The following UBASH3B variants were observed in gnomAD, a reference collection of about 807,000 sequenced individuals.
UBASH3B encodes ubiquitin-associated and SH3 domain-containing protein B.
A neutral mutation model predicts 83.4 loss-of-function variants in UBASH3B; 37 were observed. The ratio of observed to expected loss-of-function variants is 0.44; its 90% confidence interval spans 0.34 to 0.58. The LOEUF (loss-of-function observed/expected upper bound fraction) is 0.58, where lower values mean the gene tolerates loss of function less well. Ranked by LOEUF, UBASH3B falls within the 20% of genes least tolerant of loss-of-function variation. The pLI, the probability that UBASH3B is intolerant of heterozygous loss-of-function variation, is 0.01. For missense variants in UBASH3B, 657 were observed against 827.2 expected (o/e 0.79, Z 2.52); for synonymous variants, 304 against 318.3 (o/e 0.96, Z 0.48).
chr11:122,776,907 C>CTTCCCCGCG, intron 2 of UBASH3B, 117 bp from the exon 3 acceptor site: 1 of 926,094 alleles, frequency 1.1e-6, no homozygotes, highest in Non-Finnish European at 1.6e-6. Context: ...AATGAAAACC[C>CTTCCCCGCG]TTCCCCGCGC....
chr11:122,794,961 C>T (rs1165140516), intron 7 of UBASH3B, 127 bp downstream of exon 7: 5 of 1,346,994 alleles, frequency 3.7e-6, no homozygotes, highest in Non-Finnish European at 4.1e-6. Flanking sequence ...AGAAAGTACA[C>T]CAAATTATAA....
intron 1 of UBASH3B, among the ~76,000 whole-genome samples, chr11:122,725,785 C>G (rs1860728986): frequency 2.0e-5 from 3 of 152,114 alleles, no homozygotes; most frequent in Admixed American, 6.5e-5. Flanking sequence ...CCTCCGCCTC[C>G]CGGGTTCAAG....
intron 1 of UBASH3B, among the ~76,000 whole-genome samples, chr11:122,707,091 G>A (rs955988379): frequency 1.3e-5 from 2 of 152,114 alleles, no homozygotes; most frequent in African/African-American, 2.4e-5. Context: ...AATTGATCAT[G>A]GGGATTTCAG....
chr11:122,757,952 C>T (rs534286215), intron 1 of UBASH3B, among the ~76,000 whole-genome samples: 13 of 147,580 alleles, frequency 8.8e-5, no homozygotes, highest in South Asian at 4.4e-4. Flanking sequence ...ATGATCCACC[C>T]GCCTCGGCCT....
intron 1 of UBASH3B, among the ~76,000 whole-genome samples, chr11:122,716,142 G>C (rs1591783473): frequency 6.6e-6 from 1 of 152,184 alleles, no homozygotes; most frequent in South Asian, 2.1e-4. Context: ...GCTGGGGCTG[G>C]TGAGAACTGC....
chr11:122,768,282 G>A (rs1290253520), intron 1 of UBASH3B, among the ~76,000 whole-genome samples: 3 of 152,204 alleles, frequency 2.0e-5, no homozygotes, highest in East Asian at 1.9e-4. Flanking sequence ...CCACCACCAC[G>A]GCCAATGACT....
chr11:122,715,702 G>T (rs1450092139), intron 1 of UBASH3B, among the ~76,000 whole-genome samples: 1 of 152,114 alleles, frequency 6.6e-6, no homozygotes, highest in Non-Finnish European at 1.5e-5. Flanking sequence ...CAAAACAGGG[G>T]ATAATTAAAA....
rs1200878320 is a variant in UBASH3B at position 122,813,851 on chromosome 11, T to C, written c.*3965T>C. Reference sequence around the variant, plus strand: ...ATTTCCCTAGGAAAGTGACTAGCTATAATGAAAATTCAAGCGAAAAGGGAA... The same window carrying C: ...ATTTCCCTAGGAAAGTGACTAGCTACAATGAAAATTCAAGCGAAAAGGGAA... On this transcript the variant is annotated 3_prime_UTR_variant, in exon 14 of 14. Transcript: ENST00000284273. The C allele has an allele frequency of 6.6e-6, 1 of 152,200 alleles. No individual in the cohort carries two copies. Among genetic ancestry groups the C allele is most frequent in the Admixed American group, 6.5e-5 (1 of 15,282 alleles). The allele number at this position is 152,200 out of a possible 1,614,324, so 9.4% of individuals were successfully genotyped here.
rs1400466092 is a variant in UBASH3B at position 122,794,772 on chromosome 11, C to T, written c.1051C>T (p.Pro351Ser). Residue 351 changes from proline (P) to serine (S), a missense_variant, in exon 7 of 14, where the codon CCT (proline) becomes TCT (serine). Physicochemically the swap from Pro to Ser is moderately conservative, Grantham distance 74. Around this residue, in one of 3 missense-constraint regions of UBASH3B, gnomAD observed 573 missense variants for 739.0 expected, o/e 0.78. Coordinates refer to ENST00000284273, the MANE Select transcript of UBASH3B (RefSeq NM_032873.5). ...TFGDGVLERR[P>S]YEDQGLGETT... ...TGGGGATGGAGTATTGGAGAGGCGG[C>T]CTTATGAGGACCAGGGGCTCGGGGA... 1 of 1,614,126 alleles carries T rather than the reference C, an allele frequency of 6.2e-7. No individual in the cohort carries two copies. Among genetic ancestry groups the T allele is most frequent in the Admixed American group, 1.7e-5 (1 of 60,014 alleles).
intron 1 of UBASH3B, among the ~76,000 whole-genome samples, chr11:122,681,684 G>C (rs1863741079): frequency 7.2e-6 from 1 of 138,002 alleles, no homozygotes; most frequent in Admixed American, 7.4e-5. Context: ...GCATTCTTCT[G>C]TACACACATG....
chr11:122,761,191 GTC>G, intron 1 of UBASH3B, among the ~76,000 whole-genome samples: 1 of 152,198 alleles, frequency 6.6e-6, no homozygotes, highest in Non-Finnish European at 1.5e-5. Flanking sequence ...CTTCTCAAGA[GTC>G]TCATGATACT....
intron 1 of UBASH3B, among the ~76,000 whole-genome samples, chr11:122,717,637 G>GA (rs2135941234): frequency 6.6e-6 from 1 of 152,308 alleles, no homozygotes; most frequent in Admixed American, 6.5e-5. Context: ...CAGCCCCTTA[G>GA]AAAGTGTGTA....
At chr11:122,793,909 C>T (rs1011075143) in intron 6 of UBASH3B, among the ~76,000 whole-genome samples, 3 of 152,240 alleles carry the variant, frequency 2.0e-5, no homozygotes, top group Admixed American at 6.5e-5. Flanking sequence ...CACAAAGTTT[C>T]CTTGACTGTT....
intron 1 of UBASH3B, among the ~76,000 whole-genome samples, chr11:122,720,458 G>C (rs1860604972): frequency 6.6e-6 from 1 of 152,126 alleles, no homozygotes; most frequent in South Asian, 2.1e-4. Flanking sequence ...CAGAATAGTT[G>C]GAGATCCTTT....
At chr11:122,797,487 A>G (rs769426411) in intron 9 of UBASH3B, among the ~76,000 whole-genome samples, 1 of 152,194 alleles carries the variant, frequency 6.6e-6, no homozygotes, top group Non-Finnish European at 1.5e-5. Context: ...TTTTCTGTTC[A>G]GTCACTTAGC....
chr11:122,716,316 G>A (rs1471943458), intron 1 of UBASH3B, among the ~76,000 whole-genome samples: 1 of 152,246 alleles, frequency 6.6e-6, no homozygotes, highest in Non-Finnish European at 1.5e-5. Context: ...GGGACTACAG[G>A]CATGTAGCAC....
chr11:122,794,673 G>C, intron 6 of UBASH3B, 29 bp from the exon 7 acceptor site: 1 of 1,613,796 alleles, frequency 6.2e-7, no homozygotes, highest in Admixed American at 1.7e-5. Context: ...GGCCAGAGCA[G>C]TTAACACCTT....
At chr11:122,670,549 G>T (rs1863580637) in intron 1 of UBASH3B, among the ~76,000 whole-genome samples, 1 of 152,116 alleles carries the variant, frequency 6.6e-6, no homozygotes, top group Non-Finnish European at 1.5e-5. Context: ...ACAATGATTA[G>T]ATGAGATAAT....
intron 7 of UBASH3B, among the ~76,000 whole-genome samples, chr11:122,795,789 T>A (rs573589388): frequency 1.3e-5 from 2 of 152,298 alleles, no homozygotes; most frequent in African/African-American, 4.8e-5. Flanking sequence ...TGCCCCTTTT[T>A]GGGGGGAAGG....
Sources: allele counts gnomAD v4.1 joint callset (sites outside exome capture counted in the v4.1 genomes callset), GRCh38; gene constraint gnomAD v4.1.1; regional missense constraint gnomAD v4.1.1; transcripts MANE v1.5; gene names NCBI Gene and HGNC (gene_info 2026-07-23, HGNC 2026-07-21).